Variants in CCDC83 observed in about 807,000 individuals in gnomAD.
The protein encoded by CCDC83 is coiled-coil domain containing 83, also known as coiled-coil domain-containing protein 83.
In CCDC83, 54 loss-of-function variants were observed where a neutral mutation model predicts 50.1. The observed-to-expected ratio is 1.08, with a 90% CI of 0.87 to 1.35. The LOEUF is 1.35. CCDC83 is among the 40% of genes most tolerant of loss of function. CCDC83 has a pLI of 0.00. For synonymous variants in CCDC83, 161 were observed against 153.3 expected, an observed-to-expected ratio of 1.05 and a Z score of -0.37; for missense variants, 518 against 473.9, an observed-to-expected ratio of 1.09 and a Z score of -0.86.
chr11:85,873,482 ATTAGT>A (rs1342800111), intron 3 of CCDC83, among the ~76,000 whole-genome samples, 187 bp downstream of exon 3: 1 of 152,174 alleles, frequency 6.6e-6, no homozygotes, highest in Non-Finnish European at 1.5e-5. Context: ...TTCCCATTAT[ATTAGT>A]TATAATGTCA....
At chr11:85,868,675 C>T (rs548576098) in intron 2 of CCDC83, among the ~76,000 whole-genome samples, 1 of 152,266 alleles carries the variant, frequency 6.6e-6, no homozygotes, top group Non-Finnish European at 1.5e-5. Context: ...CAGGTGTTAG[C>T]CATGTTTGTT....
chr11:85,856,632 G>C (rs1304832971), intron 1 of CCDC83, among the ~76,000 whole-genome samples: 1 of 152,116 alleles, frequency 6.6e-6, no homozygotes, highest in African/African-American at 2.4e-5. Flanking sequence ...CTAAAGGATT[G>C]GTGAAGAAAA....
At chr11:85,903,392 T>C (rs946517857) in intron 7 of CCDC83, among the ~76,000 whole-genome samples, 3 of 151,946 alleles carry the variant, frequency 2.0e-5, no homozygotes, top group Non-Finnish European at 1.5e-5. Context: ...CCTCCCAGGT[T>C]CAAGCAATTC....
chr11:85,903,348 G>C (rs2093410875), intron 7 of CCDC83, among the ~76,000 whole-genome samples: 1 of 152,068 alleles, frequency 6.6e-6, no homozygotes, highest in South Asian at 2.1e-4. Context: ...AGGCTGGAAT[G>C]CAGTGGCATG....
chr11:85,862,822 T>C (rs1417210826), intron 1 of CCDC83, among the ~76,000 whole-genome samples: 2 of 152,212 alleles, frequency 1.3e-5, no homozygotes, highest in African/African-American at 4.8e-5. Context: ...ATTAGCCCAT[T>C]GGAAAAATGC....
chr11:85,901,214 A>ATT (rs370993767), intron 7 of CCDC83, among the ~76,000 whole-genome samples: 1 of 151,888 alleles, frequency 6.6e-6, no homozygotes, highest in African/African-American at 2.4e-5. Flanking sequence ...ATATATATAT[A>ATT]TTTTAAATTT....
chr11:85,863,111 A>C (rs2093187137), intron 1 of CCDC83, among the ~76,000 whole-genome samples: 1 of 152,248 alleles, frequency 6.6e-6, no homozygotes, highest in Non-Finnish European at 1.5e-5. Context: ...AAACCGTAAC[A>C]CTTGATCTCT....
intron 5 of CCDC83, among the ~76,000 whole-genome samples, chr11:85,890,671 A>C (rs1267756021): frequency 1.3e-5 from 2 of 152,198 alleles, no homozygotes; most frequent in African/African-American, 4.8e-5. Context: ...GTATCAGTCA[A>C]GTGAGAGCTT....
At chr11:85,917,167 A>AGAGAGAGAGAGAGAGAGAGAAG (rs1554986879) in intron 10 of CCDC83, among the ~76,000 whole-genome samples, 2 of 86,912 alleles carry the variant, frequency 2.3e-5, no homozygotes, top group African/African-American at 8.2e-5. Context: ...AGAGAGAGAG[A>AGAGAGAGAGAGAGAGAGAGAAG]GAAAGAAAGA....
At chr11:85,917,087 G>A (rs1388066488) in intron 10 of CCDC83, among the ~76,000 whole-genome samples, 1 of 147,090 alleles carries the variant, frequency 6.8e-6, no homozygotes, top group Non-Finnish European at 1.5e-5. Flanking sequence ...CTCCAGCCTG[G>A]GTGACAGAGC....
chr11:85,912,305 A>G (rs2093458223), intron 8 of CCDC83, among the ~76,000 whole-genome samples: 1 of 152,190 alleles, frequency 6.6e-6, no homozygotes, highest in Non-Finnish European at 1.5e-5. Flanking sequence ...TTATGTATAA[A>G]CTTTCTATTG....
chr11:85,889,265 C>T (rs754751088), intron 5 of CCDC83, among the ~76,000 whole-genome samples: 7 of 152,150 alleles, frequency 4.6e-5, no homozygotes, highest in Admixed American at 2.0e-4. Flanking sequence ...GGTGGGAGGA[C>T]GACCTGAGCC....
chr11:85,896,192 C>T (rs2093374228), intron 6 of CCDC83, among the ~76,000 whole-genome samples: 2 of 151,794 alleles, frequency 1.3e-5, no homozygotes, highest in Non-Finnish European at 2.9e-5. Flanking sequence ...TTTGAGAGGC[C>T]AAGGCGGGTG....
chr11:85,910,727 A>C (rs910095587), intron 7 of CCDC83, among the ~76,000 whole-genome samples: 1 of 152,252 alleles, frequency 6.6e-6, no homozygotes, highest in Non-Finnish European at 1.5e-5. Flanking sequence ...CTGCCTAACT[A>C]TTCAGACAAG....
intron 2 of CCDC83, among the ~76,000 whole-genome samples, chr11:85,867,771 A>G (rs984422943): frequency 6.6e-6 from 1 of 152,228 alleles, no homozygotes; most frequent in Admixed American, 6.5e-5. Context: ...ACAAAGGTTT[A>G]CAAAAAGGCA....
At chr11:85,894,045 T>C (rs2093361810) in intron 5 of CCDC83, among the ~76,000 whole-genome samples, 2 of 152,186 alleles carry the variant, frequency 1.3e-5, no homozygotes, top group South Asian at 2.1e-4. Flanking sequence ...ATTATTTCAT[T>C]ATATATTACA....
rs778020367 is a variant in CCDC83 at position 85,886,296 on chromosome 11, G to T, written c.440G>T (p.Arg147Leu). 2 of 1,610,282 alleles carry T rather than the reference G, an allele frequency of 1.2e-6. No homozygotes were observed. The highest frequency in any genetic ancestry group is 1.7e-6 in the Non-Finnish European group (2 of 1,178,682). ...GAGTACAAGAATGTAGGGAGTGAAC[G>T]ACATGCTAAACTCATTACCTCCTTA... is the stretch of plus-strand genomic sequence containing the variant. ...WEEYKNVGSE[R>L]HAKLITSLQN... The change falls in exon 5 of 11, where the codon CGA (arginine) becomes CTA (leucine). Residue 147 changes from arginine (R) to leucine (L), a missense_variant. Coordinates refer to ENST00000342404, the MANE Select transcript of CCDC83 (RefSeq NM_001286159.2).
intron 1 of CCDC83, among the ~76,000 whole-genome samples, chr11:85,861,136 T>C (rs910624038): frequency 2.0e-5 from 3 of 152,272 alleles, no homozygotes; most frequent in Non-Finnish European, 2.9e-5. Flanking sequence ...TGAGGGTTTA[T>C]AGAAGTAGTT....
chr11:85,917,166 G>GGCA (rs2093482772), intron 10 of CCDC83, among the ~76,000 whole-genome samples: 2 of 62,416 alleles, frequency 3.2e-5, no homozygotes, highest in African/African-American at 1.1e-4. Flanking sequence ...GAGAGAGAGA[G>GGCA]AGAAAGAAAG....
Sources: gnomAD v4.1 joint callset for allele counts (sites outside exome capture counted in the v4.1 genomes callset) on GRCh38, gnomAD v4.1.1 for gene constraint, MANE v1.5 for transcripts, NCBI Gene and HGNC (gene_info 2026-07-23, HGNC 2026-07-21) for gene names.